ERI2: variants seen among roughly 807,000 people sequenced by gnomAD.
ERI2 encodes the protein ERI1 exoribonuclease family member 2.
ERI2 carries 35 observed loss-of-function variants against 46.8 expected under a neutral mutation model. The observed-to-expected ratio is 0.75, with a 90% confidence interval of 0.57 to 0.99. The LOEUF (loss-of-function observed/expected upper bound fraction) is 0.99. Ranked by LOEUF, ERI2 falls within the 50% of genes least tolerant of loss-of-function variation. The probability of loss-of-function intolerance (pLI) is 0.00; values close to 1 mark genes in which losing one functional copy is unlikely to be tolerated. For missense variants in ERI2, 695 were observed against 796.2 expected (o/e 0.87, Z 1.53); for synonymous variants, 224 against 271.0 (o/e 0.83, Z 1.70).
rs1567369353 is a variant in ERI2, at chr16:20,797,753, A to G, written c.2047T>C (p.Leu683=). ...RNLSISTKNS[L]RLRPSMRN ...TTCCTCATTGAAGGCCTGAGTCTCAAAGAATTTTTGGTGGAAATACTTAAA... is the reference window on the plus strand; with the variant it reads ...TTCCTCATTGAAGGCCTGAGTCTCAGAGAATTTTTGGTGGAAATACTTAAA... Residue 683 remains leucine, a synonymous_variant, in exon 9 of 9, where the codon TTG becomes CTG. Coordinates refer to ENST00000357967, the MANE Select transcript of ERI2 (RefSeq NM_001142725.2). The G allele has an allele frequency of 6.5e-7, 1 of 1,549,346 alleles. No homozygotes were observed.
Position 20,796,806 on chromosome 16 carries a change from C to T in ERI2, c.*918G>A. ...TATTCTAATTCTTCCACCTAGAATTCATAATCAAACTGCTATATAATTGGC... is the reference window on the plus strand; with the variant it reads ...TATTCTAATTCTTCCACCTAGAATTTATAATCAAACTGCTATATAATTGGC... On this transcript the variant is annotated 3_prime_UTR_variant, in exon 9 of 9. Transcript: ENST00000357967. 1 of 1,582,238 alleles carries T rather than the reference C, an allele frequency of 6.3e-7. No individual in the cohort carries two copies. Among genetic ancestry groups the T allele is most frequent in the South Asian group, 1.2e-5 (1 of 83,976 alleles).
chr16:20,801,201 A>C lies in ERI2; in HGVS notation c.460+2T>G. 2 of 1,607,908 alleles carry C rather than the reference A, an allele frequency of 1.2e-6. No homozygotes were observed. The highest frequency in any genetic ancestry group is 1.7e-6 in the Non-Finnish European group (2 of 1,177,680). ...GATTAATAGGTATAACTTATTCTTTACCTGACCAAGTAACAAATGCACATA... is the reference window on the plus strand; with the variant it reads ...GATTAATAGGTATAACTTATTCTTTCCCTGACCAAGTAACAAATGCACATA... On this transcript the variant is annotated splice_donor_variant, in intron 5 of 8. Coordinates refer to ENST00000357967, the MANE Select transcript of ERI2 (RefSeq NM_001142725.2). LOFTEE classifies it high-confidence loss of function.
downstream of ERI2, among the ~76,000 whole-genome samples, chr16:20,795,330 T>C (rs548472642): frequency 1.3e-3 from 205 of 152,310 alleles, 1 homozygote; most frequent in African/African-American, 4.7e-3. Context: ...ACAAGGGTTT[T>C]GGGTAAAGAC....
At chr16:20,782,128 T>A (rs2080364959) in intron 10 of ERI2, among the ~76,000 whole-genome samples, 1 of 152,214 alleles carries the variant, frequency 6.6e-6, no homozygotes, top group African/African-American at 2.4e-5. Context: ...TCCCAGCAGA[T>A]AGAAAAGAGG....
chr16:20,790,921 G>C lies in ERI2; in HGVS notation c.744C>G (p.Leu248=). Residue 248 remains leucine (L), a synonymous_variant, in exon 9 of 11, where the codon CTC becomes CTG. Coordinates refer to the ERI2 transcript ENST00000300005. This position sits in a 1 kb window ranked among gnomAD's most constrained non-coding sequence, Gnocchi z 4.0. ...CACTGTTCCAGGTCCACGAAGGCAA[G>C]AGGAAGGGACCCTAGAAAGAGGACA... 1 of 1,614,018 alleles carries C rather than the reference G, an allele frequency of 6.2e-7. No individual in the cohort carries two copies. Among genetic ancestry groups the C allele is most frequent in the Non-Finnish European group, 8.5e-7 (1 of 1,179,966 alleles).
At chr16:20,795,479 T>A (rs2080703125), downstream of ERI2, among the ~76,000 whole-genome samples, 1 of 152,252 alleles carries the variant, frequency 6.6e-6, no homozygotes, top group Admixed American at 6.5e-5. Flanking sequence ...TAATTCCTTT[T>A]CAATGAAATC....
intron 9 of ERI2, chr16:20,789,629 C>T: frequency 9.6e-7 from 1 of 1,046,740 alleles, no homozygotes; most frequent in Non-Finnish European, 1.5e-6. Context: ...AGACCTATTG[C>T]TAAATGATAA....
At chr16:20,782,149 T>C (rs2080365422) in intron 10 of ERI2, among the ~76,000 whole-genome samples, 1 of 152,230 alleles carries the variant, frequency 6.6e-6, no homozygotes, top group African/African-American at 2.4e-5. Context: ...ATGCATATCT[T>C]TTATTCTATT....
At chr16:20,781,096 A>G (rs1298364478) in intron 10 of ERI2, 12 of 1,614,078 alleles carry the variant, frequency 7.4e-6, no homozygotes, top group Non-Finnish European at 1.0e-5. Flanking sequence ...TTCACACACC[A>G]TTTACCCCGT....
intron 1 of ERI2, among the ~76,000 whole-genome samples, chr16:20,804,086 T>A (rs961473696): frequency 6.6e-6 from 1 of 151,182 alleles, no homozygotes; most frequent in African/African-American, 2.4e-5. Context: ...ACTCCTGAGC[T>A]CCAGCAATCC....
intron 10 of ERI2, among the ~76,000 whole-genome samples, chr16:20,782,142 C>T (rs557650902): frequency 1.3e-5 from 2 of 152,278 alleles, no homozygotes; most frequent in African/African-American, 4.8e-5. Context: ...AAAGAGGATG[C>T]ATATCTTTTA....
chr16:20,789,393 T>C (rs2080543650), intron 10 of ERI2: 9 of 979,880 alleles, frequency 9.2e-6, no homozygotes, highest in Non-Finnish European at 1.5e-5. Context: ...TATTAAGTAC[T>C]TAATAAATGC....
chr16:20,798,637 T>G lies in ERI2; in HGVS notation c.1163A>C (p.His388Pro). 6.4e-7 allele frequency: 1 copy of G among 1,551,654 alleles called. No individual in the cohort carries two copies. The highest frequency in any genetic ancestry group is 8.7e-7 in the Non-Finnish European group (1 of 1,146,922). The change falls in exon 9 of 9, where the codon CAT (histidine) becomes CCT (proline). Residue 388 changes from histidine to proline, a missense_variant. Transcript: ENST00000357967. Reference sequence around the variant, plus strand: ...GCTCATTTCCAAATCAGAAACATGATGAACAGTTGGAACGGTGGTAGAAAC... The same window carrying G: ...GCTCATTTCCAAATCAGAAACATGAGGAACAGTTGGAACGGTGGTAGAAAC... Reference protein sequence around the residue: ...VLVSTTVPTVHHVSDLEMSST... With the variant: ...VLVSTTVPTVPHVSDLEMSST...
chr16:20,797,464 A>AT lies in ERI2; in HGVS notation c.*259dup, dbSNP rs2080743269. ...TAGACTAGGGATTTTTATTAGTCACATTTTTTGCAAATAATTTAAAAATAG... is the reference window on the plus strand; with the variant it reads ...TAGACTAGGGATTTTTATTAGTCACATTTTTTTGCAAATAATTTAAAAATAG... On this transcript the variant is annotated 3_prime_UTR_variant, in exon 9 of 9. Transcript: ENST00000357967. The AT allele has an allele frequency of 9.4e-7, 1 of 1,065,356 alleles. No individual in the cohort carries two copies. 66.0% of individuals were successfully genotyped at this position (1,065,356 alleles called of 1,614,324 possible). A position where few individuals can be genotyped will look rare whatever the true frequency, so the allele number is the denominator to read the frequency against.
intron 7 of ERI2, 131 bp downstream of exon 7, chr16:20,799,826 T>C: frequency 1.7e-6 from 1 of 595,336 alleles, no homozygotes; most frequent in South Asian, 2.2e-5. Context: ...ACAATGTGAA[T>C]TGTTTAGATT....
At chr16:20,802,981 A>G in intron 3 of ERI2, 58 bp from the exon 4 acceptor site, 2 of 1,459,358 alleles carry the variant, frequency 1.4e-6, no homozygotes, top group Non-Finnish European at 1.8e-6. Context: ...TTAATCCTGT[A>G]ATCATCCTAA....
At chr16:20,784,668 A>G (rs1415792578) in intron 10 of ERI2, 1 of 167,232 alleles carries the variant, frequency 6.0e-6, no homozygotes, top group East Asian at 1.7e-4. Flanking sequence ...ACCTTCCCTA[A>G]GAACAGAATG....
In ERI2 at chr16:20,797,495, A is replaced by T. The variant is rs2080743514; in HGVS notation, c.*229T>A. On this transcript the variant is annotated 3_prime_UTR_variant, in exon 9 of 9. Coordinates refer to ENST00000357967, the MANE Select transcript of ERI2 (RefSeq NM_001142725.2). Reference sequence around the variant, plus strand: ...TGCAAATAATTTAAAAATAGTTTAGACTTGTTTCAAGGTCTAACTATAAAA... The same window carrying T: ...TGCAAATAATTTAAAAATAGTTTAGTCTTGTTTCAAGGTCTAACTATAAAA... The T allele has an allele frequency of 8.9e-7, 1 of 1,127,342 alleles. No individual in the cohort carries two copies. The highest frequency in any genetic ancestry group is 1.1e-6 in the Non-Finnish European group (1 of 921,712). 69.8% of individuals were successfully genotyped at this position (1,127,342 alleles called of 1,614,324 possible).
chr16:20,789,702 T>TC (rs1464004474), intron 9 of ERI2: 5 of 596,026 alleles, frequency 8.4e-6, no homozygotes, highest in Non-Finnish European at 1.5e-5. Flanking sequence ...TTTTTTTTTT[T>TC]TGAGATGGAG....
Sources: gnomAD v4.1 joint callset for allele counts (sites outside exome capture counted in the v4.1 genomes callset) on GRCh38, gnomAD v4.1.1 for gene constraint, Gnocchi (gnomAD v3.1) non-coding constraint, MANE v1.5 for transcripts, NCBI Gene and HGNC (gene_info 2026-07-23, HGNC 2026-07-21) for gene names.